The following CAMTA1 variants were observed in gnomAD, a reference collection of about 807,000 sequenced individuals.
The protein encoded by CAMTA1 is calmodulin-binding transcription activator 1.
CAMTA1 carries 27 observed loss-of-function variants against 170.9 expected under a neutral mutation model. That is an observed-to-expected ratio of 0.16 (90% confidence interval 0.12 to 0.22). The LOEUF (loss-of-function observed/expected upper bound fraction) is 0.22, where lower values mean the gene tolerates loss of function less well. CAMTA1 is among the 10% of genes least tolerant of loss of function. The pLI, the probability that CAMTA1 is intolerant of heterozygous loss-of-function variation, is 1.00. For missense variants in CAMTA1, 1,619 were observed against 2,217.2 expected (o/e 0.73, Z 5.42); for synonymous variants, 833 against 891.5 (o/e 0.93, Z 1.17).
At chr1:7,314,552 C>G (rs181198003) in intron 5 of CAMTA1, among the ~76,000 whole-genome samples, 2 of 152,252 alleles carry the variant, frequency 1.3e-5, no homozygotes, top group South Asian at 2.1e-4. Context: ...TATCATGGAA[C>G]CTGAGTGTCT....
intron 6 of CAMTA1, among the ~76,000 whole-genome samples, chr1:7,577,421 A>G (rs2095209596): frequency 6.6e-6 from 1 of 152,104 alleles, no homozygotes; most frequent in Non-Finnish European, 1.5e-5. Flanking sequence ...ACCGTCACAG[A>G]CCATGGCTCC....
intron 6 of CAMTA1, among the ~76,000 whole-genome samples, chr1:7,544,857 C>A (rs1285337147): frequency 2.0e-5 from 3 of 152,152 alleles, no homozygotes; most frequent in Non-Finnish European, 4.4e-5. Flanking sequence ...GACTCTTTAA[C>A]AACTCGCTTT....
intron 5 of CAMTA1, among the ~76,000 whole-genome samples, chr1:7,457,259 T>C (rs2092979157): frequency 6.6e-6 from 1 of 152,182 alleles, no homozygotes; most frequent in Non-Finnish European, 1.5e-5. Context: ...AAGCTCCAGA[T>C]ATTTTATTTA....
intron 3 of CAMTA1, among the ~76,000 whole-genome samples, chr1:6,869,293 G>A (rs1413501564): frequency 1.3e-5 from 2 of 152,252 alleles, no homozygotes; most frequent in Non-Finnish European, 2.9e-5. Flanking sequence ...TGTATCCAAA[G>A]TTAAGACTTA....
intron 5 of CAMTA1, among the ~76,000 whole-genome samples, chr1:7,310,090 A>G (rs1367643469): frequency 1.3e-5 from 2 of 152,202 alleles, no homozygotes; most frequent in African/African-American, 4.8e-5. Flanking sequence ...TTCTTAGAGC[A>G]ATTCTAGAGA....
intron 3 of CAMTA1, among the ~76,000 whole-genome samples, chr1:6,830,354 T>G (rs1649356132): frequency 6.7e-6 from 1 of 149,038 alleles, no homozygotes; most frequent in Admixed American, 6.7e-5. Context: ...TTGTTTTTTT[T>G]TTTTTTTGAG....
At chr1:6,956,643 G>C (rs1689505946) in intron 3 of CAMTA1, among the ~76,000 whole-genome samples, 1 of 152,218 alleles carries the variant, frequency 6.6e-6, no homozygotes, top group Non-Finnish European at 1.5e-5. Context: ...TGTTGTGTAA[G>C]AGATAACCAG....
In CAMTA1 at chr1:7,263,257, G is replaced by A. The variant is rs140379373; in HGVS notation, c.438+13631G>A. Reference sequence around the variant, plus strand: ...CTGAGAAGGGGAAATGGAAATAAATGCACTAAGAAATAAAGAATCTGTTTT... The same window carrying A: ...CTGAGAAGGGGAAATGGAAATAAATACACTAAGAAATAAAGAATCTGTTTT... On this transcript the variant is annotated intron_variant, in intron 5 of 22. Transcript: ENST00000303635. Among the ~76,000 whole-genome samples the A allele has an allele frequency of 5.9e-5, 9 of 152,288 alleles. No individual in the cohort carries two copies. The East Asian group carries it at 1.7e-3, about 29-fold the overall frequency.
chr1:7,502,740 C>A (rs190383217), intron 6 of CAMTA1, among the ~76,000 whole-genome samples: 1 of 152,172 alleles, frequency 6.6e-6, no homozygotes, highest in African/African-American at 2.4e-5. Context: ...TCAATGCCGA[C>A]GGAGATGTGA....
At chr1:7,357,416 C>T (rs567129753) in intron 5 of CAMTA1, among the ~76,000 whole-genome samples, 10 of 152,348 alleles carry the variant, frequency 6.6e-5, no homozygotes, top group South Asian at 2.1e-4. Context: ...GCCCCCTTGC[C>T]GGGCTCTCAA....
intron 5 of CAMTA1, among the ~76,000 whole-genome samples, chr1:7,384,623 CT>C (rs1274205501): frequency 6.6e-6 from 1 of 152,224 alleles, no homozygotes; most frequent in Admixed American, 6.5e-5. Context: ...ATAAATCAAT[CT>C]TTGCCATTTT....
intron 3 of CAMTA1, among the ~76,000 whole-genome samples, chr1:6,998,531 G>A (rs1479550270): frequency 6.6e-6 from 1 of 152,134 alleles, no homozygotes; most frequent in African/African-American, 2.4e-5. Flanking sequence ...AGACTCCCAA[G>A]CCTGTCCCCA....
At chr1:7,100,482 T>C (rs10779674) in intron 4 of CAMTA1, among the ~76,000 whole-genome samples, 105,115 of 151,994 alleles carry the variant, frequency 0.69, 36,586 homozygotes, top group Middle Eastern at 0.75. Flanking sequence ...CACTCTCAAG[T>C]TAACTTGCTG....
chr1:7,744,613 G>A (rs1248442678), intron 16 of CAMTA1, among the ~76,000 whole-genome samples: 2 of 152,142 alleles, frequency 1.3e-5, no homozygotes, highest in African/African-American at 4.8e-5. Context: ...TAAAGGTTTG[G>A]GGCCAGACTA....
chr1:6,818,965 A>G (rs1352950921), intron 1 of CAMTA1, among the ~76,000 whole-genome samples: 1 of 151,942 alleles, frequency 6.6e-6, no homozygotes, highest in Non-Finnish European at 1.5e-5. Flanking sequence ...ATTATTTTTA[A>G]AGATGAGGCC....
Position 6,820,212 on chromosome 1 carries a change from G to A in CAMTA1, c.77G>A (p.Ser26Asn). ...TCCCAAAGTGTATTCTGCGGAACTA[G>A]CACCTACTGTGTTCTCAACACCGTG... ...SVSQSVFCGT[S>N]TYCVLNTVPP... The change falls in exon 2 of 23, where the codon AGC (serine) becomes AAC (asparagine). Residue 26 changes from serine to asparagine, a missense_variant. By Grantham distance (46) the Ser-to-Asn change is conservative. Coordinates refer to ENST00000303635, the MANE Select transcript of CAMTA1 (RefSeq NM_015215.4). The A allele has an allele frequency of 6.2e-7, 1 of 1,612,206 alleles. No homozygotes were observed. Among genetic ancestry groups the A allele is most frequent in the Non-Finnish European group, 8.5e-7 (1 of 1,178,294 alleles).
At chr1:7,379,670 G>A (rs113973586) in intron 5 of CAMTA1, among the ~76,000 whole-genome samples, 4 of 152,220 alleles carry the variant, frequency 2.6e-5, no homozygotes, top group African/African-American at 9.6e-5. Context: ...TTAACCAGCA[G>A]AATTCCCTAG....
In CAMTA1 at chr1:7,361,845, TC is replaced by T. The variant is rs552966132; in HGVS notation, c.439-105984del. Among the ~76,000 whole-genome samples the T allele has an allele frequency of 9.2e-5, 14 of 152,354 alleles. No homozygotes were observed. In the South Asian group the frequency reaches 2.9e-3, roughly 32 times the overall value. ...AAGCTGGATTCCTGTGTGTTAATCA[TC>T]TTTGAGCCTCTGTTTCCTTTCCTCT... is the stretch of plus-strand genomic sequence containing the variant. On this transcript the variant is annotated intron_variant, in intron 5 of 22. Coordinates refer to ENST00000303635, the MANE Select transcript of CAMTA1 (RefSeq NM_015215.4).
intron 4 of CAMTA1, among the ~76,000 whole-genome samples, chr1:7,196,094 G>A (rs112220653): frequency 5.3e-5 from 8 of 152,146 alleles, no homozygotes; most frequent in Non-Finnish European, 1.0e-4. Context: ...GGAGGGGCCT[G>A]CAGGAGGTGA....
Sources: allele counts gnomAD v4.1 joint callset (sites outside exome capture counted in the v4.1 genomes callset), GRCh38; gene constraint gnomAD v4.1.1; transcripts MANE v1.5; gene names NCBI Gene and HGNC (gene_info 2026-07-23, HGNC 2026-07-21).